The following PCDHGB1 variants were observed in gnomAD, a reference collection of about 807,000 sequenced individuals.
PCDHGB1 encodes protocadherin gamma-B1.
PCDHGB1 carries 34 observed loss-of-function variants against 56.6 expected under a neutral mutation model. That is an observed-to-expected ratio of 0.60 (90% CI 0.46 to 0.80). The LOEUF is 0.80. PCDHGB1 is among the 30% of genes least tolerant of loss of function. The pLI, the probability that PCDHGB1 is intolerant of heterozygous loss-of-function variation, is 0.00. For synonymous variants in PCDHGB1, 561 were observed against 505.9 expected (o/e 1.11, Z -1.46); for missense variants, 1,278 against 1,204.6 (o/e 1.06, Z -0.90).
intron 1 of PCDHGB1, among the ~76,000 whole-genome samples, chr5:141,461,604 T>G (rs1166575574): frequency 6.6e-6 from 1 of 152,228 alleles, no homozygotes; most frequent in Non-Finnish European, 1.5e-5. Context: ...TATAATTTAG[T>G]TCAAAGTATT....
chr5:141,375,096 T>C lies in PCDHGB1; in HGVS notation c.2409+22427T>C, dbSNP rs764268392. 1.9e-5 allele frequency: 30 copies of C among 1,613,836 alleles called. No homozygotes were observed. The highest frequency in any genetic ancestry group is 2.5e-5 in the Non-Finnish European group (29 of 1,179,900). ...AGAGCGAAAGTCTTAATAACTATCT[T>C]GGATGTCAATGATAATGTACCAGAA... is the stretch of plus-strand genomic sequence containing the variant. On this transcript the variant is annotated intron_variant, in intron 1 of 3. Coordinates refer to ENST00000523390, the MANE Select transcript of PCDHGB1 (RefSeq NM_018922.3).
intron 1 of PCDHGB1, 142 bp downstream of exon 1, chr5:141,352,811 A>G: frequency 3.6e-6 from 3 of 841,654 alleles, no homozygotes; most frequent in Non-Finnish European, 5.4e-6. Context: ...CCAAGATGGT[A>G]AAACCCGGTC....
chr5:141,458,567 TTTTG>T (rs144471304), intron 1 of PCDHGB1, among the ~76,000 whole-genome samples: 42,006 of 151,504 alleles, frequency 0.28, 6,493 homozygotes, highest in African/African-American at 0.43. Context: ...GGTTTTGGGT[TTTTG>T]TTTGTTTGTT....
At chr5:141,419,600 G>A (rs1304962440) in intron 1 of PCDHGB1, 3 of 1,611,816 alleles carry the variant, frequency 1.9e-6, no homozygotes, top group Non-Finnish European at 2.5e-6. Context: ...AGTGCCGCGG[G>A]CCGCGCAGCC....
chr5:141,371,287 C>T, intron 1 of PCDHGB1: 2 of 1,613,928 alleles, frequency 1.2e-6, no homozygotes, highest in South Asian at 1.1e-5. Flanking sequence ...GACAGTAAAA[C>T]GGGGGAACTC....
intron 1 of PCDHGB1, among the ~76,000 whole-genome samples, chr5:141,472,357 C>T (rs1020143523): frequency 2.4e-4 from 37 of 152,012 alleles, no homozygotes; most frequent in Non-Finnish European, 1.5e-4. Context: ...CTGGCTAACA[C>T]GGTGAAACCC....
chr5:141,423,720 A>G, intron 1 of PCDHGB1: 1 of 957,774 alleles, frequency 1.0e-6, no homozygotes, highest in East Asian at 6.0e-5. Flanking sequence ...TTTTAAGGAG[A>G]TGTTTTTTGA....
At chr5:141,473,884 G>T (rs1162382168) in intron 1 of PCDHGB1, among the ~76,000 whole-genome samples, 1 of 152,162 alleles carries the variant, frequency 6.6e-6, no homozygotes, top group African/African-American at 2.4e-5. Context: ...ATACACAAGG[G>T]TTCTGTTGGT....
At chr5:141,356,356 A>T (rs778071643) in intron 1 of PCDHGB1, 2 of 1,556,868 alleles carry the variant, frequency 1.3e-6, no homozygotes, top group South Asian at 1.2e-5. Flanking sequence ...CACATGTTCT[A>T]TTCCAGATAA....
At chr5:141,450,297 G>A (rs1414677718) in intron 1 of PCDHGB1, among the ~76,000 whole-genome samples, 3 of 151,838 alleles carry the variant, frequency 2.0e-5, no homozygotes, top group Non-Finnish European at 4.4e-5. Context: ...ACAGGCGTGA[G>A]CCACCATGTG....
chr5:141,456,942 A>C (rs11737987), intron 1 of PCDHGB1, among the ~76,000 whole-genome samples: 42,405 of 152,066 alleles, frequency 0.28, 6,638 homozygotes, highest in African/African-American at 0.43. Flanking sequence ...CAGCCTGGGC[A>C]ACAGAGCAAA....
intron 1 of PCDHGB1, chr5:141,421,662 G>C: frequency 5.6e-6 from 9 of 1,613,844 alleles, no homozygotes; most frequent in Non-Finnish European, 7.6e-6. Context: ...AAGTCAGTGA[G>C]CACGCAATTC....
chr5:141,501,296 C>T (rs4912760), intron 2 of PCDHGB1, among the ~76,000 whole-genome samples: 1,659 of 80,026 alleles, frequency 0.021, 16 homozygotes, highest in African/African-American at 0.042. Flanking sequence ...CTTATACACA[C>T]ACACACACAC....
rs978615543 is a variant in PCDHGB1, at chr5:141,362,706, T to A, written c.2409+10037T>A. On this transcript the variant is annotated intron_variant, in intron 1 of 3. Transcript: ENST00000523390. ...TAATCTTATCTAACTGAATTTTAAG[T>A]GTTTTCTCTCTGAAGTGTGAGATTT... The A allele has an allele frequency of 3.0e-6, 3 of 988,590 alleles. No individual in the cohort carries two copies. The African/African-American group carries it at 4.9e-5, about 16-fold the overall frequency. 61.2% of individuals were successfully genotyped at this position (988,590 alleles called of 1,614,324 possible).
In PCDHGB1 at chr5:141,489,801, T is replaced by C. The variant is rs201458939; in HGVS notation, c.2410-5006T>C. 6.2e-7 allele frequency: 1 copy of C among 1,614,148 alleles called. No homozygotes were observed. On this transcript the variant is annotated intron_variant, in intron 1 of 3. Coordinates refer to ENST00000523390, the MANE Select transcript of PCDHGB1 (RefSeq NM_018922.3). The surrounding 1 kb of genome is among the most constrained non-coding windows in gnomAD (Gnocchi z 4.5). The stretch of plus-strand genomic sequence containing the variant: ...CTCTGAATGTGAAGACCCTAAAAGA[T>C]GGGAAGCCATTCCCAGAGCTGGTGC...
At chr5:141,494,889 A>G (rs2099757275) in intron 2 of PCDHGB1, 24 bp downstream of exon 2, 1 of 1,613,844 alleles carries the variant, frequency 6.2e-7, no homozygotes, top group Admixed American at 1.7e-5. Context: ...TCTCCAGCCC[A>G]CCCTCTTCTC....
intron 1 of PCDHGB1, chr5:141,364,946 A>G (rs1467919510): frequency 1.2e-6 from 2 of 1,613,848 alleles, no homozygotes; most frequent in East Asian, 4.5e-5. Flanking sequence ...CGAGAAAGAG[A>G]CTGTTCACGA....
At chr5:141,421,261 C>T (rs753531462) in intron 1 of PCDHGB1, 24 of 1,609,076 alleles carry the variant, frequency 1.5e-5, no homozygotes, top group Non-Finnish European at 2.0e-5. Context: ...GGACCGCAGT[C>T]GGCTGCTGCT....
intron 2 of PCDHGB1, among the ~76,000 whole-genome samples, chr5:141,497,962 G>A (rs2099780751): frequency 6.6e-6 from 1 of 152,236 alleles, no homozygotes; most frequent in African/African-American, 2.4e-5. Context: ...TGGCCAGGCA[G>A]TGTTCTCGAT....
Sources: gnomAD v4.1 joint callset for allele counts (sites outside exome capture counted in the v4.1 genomes callset) on GRCh38, gnomAD v4.1.1 for gene constraint, Gnocchi (gnomAD v3.1) non-coding constraint, MANE v1.5 for transcripts, NCBI Gene and HGNC (gene_info 2026-07-23, HGNC 2026-07-21) for gene names.